OTULIN: variants seen among roughly 807,000 people sequenced by gnomAD.
The protein encoded by OTULIN is OTU deubiquitinase with linear linkage specificity, also known as ubiquitin thioesterase otulin.
Under a neutral mutation model 39.6 loss-of-function variants are expected in OTULIN, and 15 were observed. The ratio of observed to expected loss-of-function variants is 0.38; its 90% CI spans 0.25 to 0.58. OTULIN has a LOEUF of 0.58. Among genes scored for constraint, OTULIN ranks in the 20% least tolerant of loss-of-function variants. OTULIN has a pLI of 0.66. For synonymous variants in OTULIN, 156 were observed against 170.3 expected, an observed-to-expected ratio of 0.92 and a Z score of 0.65; for missense variants, 319 against 445.9, an observed-to-expected ratio of 0.72 and a Z score of 2.56.
chr5:14,678,770 A>C lies in OTULIN; in HGVS notation c.319A>C (p.Lys107Gln), dbSNP rs1384770036. 1.2e-6 allele frequency: 2 copies of C among 1,601,846 alleles called. No individual in the cohort carries two copies. Among genetic ancestry groups the C allele is most frequent in the Non-Finnish European group, 1.7e-6 (2 of 1,172,866 alleles). ...AAATACACAGAAAGCAACGTGTATGAAAATGGTATGACACAGAGGTGCACA... is the reference window on the plus strand; with the variant it reads ...AAATACACAGAAAGCAACGTGTATGCAAATGGTATGACACAGAGGTGCACA... ...RGNTQKATCM[K>Q]MGYEEVSQKF... Residue 107 changes from lysine to glutamine, a missense_variant, in exon 3 of 7, where the codon AAA becomes CAA. Lys to Gln is a moderately conservative substitution (Grantham distance 53). Coordinates refer to ENST00000284274, the MANE Select transcript of OTULIN (RefSeq NM_138348.6).
chr5:14,707,973 A>C, the OTULIN span: 1 of 152,208 alleles, frequency 6.6e-6, no homozygotes, highest in African/African-American at 2.4e-5. Context: ...AAAGAATCCC[A>C]AACGGGAGAG....
At chr5:14,692,810 TCAG>T in intron 6 of OTULIN, 41 bp from the exon 7 acceptor site, 1 of 1,581,224 alleles carries the variant, frequency 6.3e-7, no homozygotes, top group South Asian at 1.1e-5. Flanking sequence ...GCCACGTTTT[TCAG>T]TGTGATCTTC....
chr5:14,666,302 CAG>C (rs1214284715), intron 1 of OTULIN, among the ~76,000 whole-genome samples: 3 of 152,206 alleles, frequency 2.0e-5, no homozygotes, highest in Admixed American at 2.0e-4. Context: ...CCTGTGAAAA[CAG>C]ACAATGATAG....
rs1736494381 is a variant in OTULIN, at chr5:14,690,369, G to A, written c.864+61G>A. On this transcript the variant is annotated intron_variant, in intron 6 of 6. Transcript: ENST00000284274. This position sits in a 1 kb window ranked among gnomAD's most constrained non-coding sequence, Gnocchi z 4.5. ...TAAAGCAGCTTTACTGATCAAACTT[G>A]ATGTCACAGTTTTTGTAGGTCAGAA... 1 of 1,563,246 alleles carries A rather than the reference G, an allele frequency of 6.4e-7. No homozygotes were observed. Among genetic ancestry groups the A allele is most frequent in the Non-Finnish European group, 8.7e-7 (1 of 1,155,990 alleles).
chr5:14,695,336 T>A lies in OTULIN; in HGVS notation c.*2288T>A, dbSNP rs1160580095. On this transcript the variant is annotated 3_prime_UTR_variant, in exon 7 of 7. Coordinates refer to ENST00000284274, the MANE Select transcript of OTULIN (RefSeq NM_138348.6). ...TTAGTTCCGTTTCTCATTCTTGGTC[T>A]TGAGCTGGTCAGGTGACATCAGCAG... is the stretch of plus-strand genomic sequence containing the variant. 6.6e-6 allele frequency: 1 copy of A among 152,254 alleles called. No homozygotes were observed. The allele number at this position is 152,254 out of a possible 1,614,324, so 9.4% of individuals were successfully genotyped here. A position where few individuals can be genotyped will look rare whatever the true frequency, so the allele number is the denominator to read the frequency against.
chr5:14,712,904 G>A, the OTULIN span: 3 of 1,612,724 alleles, frequency 1.9e-6, no homozygotes, highest in African/African-American at 1.3e-5. Context: ...ACGCAGCGAT[G>A]GCGACCATGG....
At chr5:14,672,074 C>T (rs1735992772) in intron 1 of OTULIN, among the ~76,000 whole-genome samples, 1 of 152,142 alleles carries the variant, frequency 6.6e-6, no homozygotes, top group African/African-American at 2.4e-5. Context: ...TCATTGCACT[C>T]TGCATGCAGA....
Position 14,690,667 on chromosome 5 carries a change from A to G in OTULIN, c.864+359A>G, listed in dbSNP as rs1561002092. ...CAGAGTGAACTAAGCAGTGAGCAAG[A>G]AAGAAGCCAAAATGCCTTTTATGAC... On this transcript the variant is annotated intron_variant, in intron 6 of 6. Transcript: ENST00000284274. The surrounding 1 kb of genome is among the most constrained non-coding windows in gnomAD (Gnocchi z 4.5). 1.3e-5 allele frequency among the ~76,000 whole-genome samples: 2 copies of G among 152,184 alleles called. No individual in the cohort carries two copies. Among genetic ancestry groups the G allele is most frequent in the African/African-American group, 4.8e-5 (2 of 41,440 alleles).
At position 14,678,666 on chromosome 5, in the gene OTULIN, TA is replaced by T. The variant is rs760106568; in HGVS notation, c.230-12del. The T allele has an allele frequency of 9.9e-6, 15 of 1,507,802 alleles. No individual in the cohort carries two copies. The highest frequency in any genetic ancestry group is 6.3e-5 in the South Asian group (5 of 78,932). 93.4% of individuals were successfully genotyped at this position (1,507,802 alleles called of 1,614,324 possible). The stretch of plus-strand genomic sequence containing the variant: ...ATTTATTATTTGCTTTTTTTTTTTT[TA>T]AATTCTTTAACAGAACCGAGATTAA... On this transcript the variant is annotated splice_polypyrimidine_tract_variant and intron_variant, in intron 2 of 6. Coordinates refer to ENST00000284274, the MANE Select transcript of OTULIN (RefSeq NM_138348.6).
chr5:14,673,483 T>C (rs756625992), intron 1 of OTULIN, among the ~76,000 whole-genome samples, 159 bp from the exon 2 acceptor site: 4 of 152,254 alleles, frequency 2.6e-5, no homozygotes, highest in Non-Finnish European at 4.4e-5. Context: ...AGCATCTTTA[T>C]TCTTAAGATA....
downstream of OTULIN, among the ~76,000 whole-genome samples, chr5:14,702,464 CG>C (rs1186723432): frequency 6.6e-6 from 1 of 152,208 alleles, no homozygotes; most frequent in African/African-American, 2.4e-5. Flanking sequence ...GGATTCCCAG[CG>C]AAGGTGGAAT....
chr5:14,708,239 T>TGCTTTAGGCA, the OTULIN span: 2 of 152,212 alleles, frequency 1.3e-5, no homozygotes, highest in Non-Finnish European at 2.9e-5. Flanking sequence ...CTATTTCCTA[T>TGCTTTAGGCA]GCTTTGAGCT....
chr5:14,707,977 G>C, the OTULIN span: 1 of 152,156 alleles, frequency 6.6e-6, no homozygotes, highest in Non-Finnish European at 1.5e-5. Context: ...AATCCCAAAC[G>C]GGAGAGTTTC....
chr5:14,708,158 T>G, the OTULIN span: 3 of 152,382 alleles, frequency 2.0e-5, no homozygotes, highest in East Asian at 3.9e-4. Context: ...AAATGGCAAC[T>G]GCACATTTAG....
chr5:14,696,267 T>TA lies in OTULIN; in HGVS notation c.*3220dup, dbSNP rs369749088. 26 of 152,356 alleles carry TA rather than the reference T, an allele frequency of 1.7e-4. No homozygotes were observed. The highest frequency in any genetic ancestry group is 6.3e-4 in the African/African-American group (26 of 41,572). The allele number at this position is 152,356 out of a possible 1,614,324, so 9.4% of individuals were successfully genotyped here. A position where few individuals can be genotyped will look rare whatever the true frequency, so the allele number is the denominator to read the frequency against. ...GCCATCTCAGCATCTACATAGGACT[T>TA]ACATAGACTTCCTGAATGTGTCTTC... On this transcript the variant is annotated 3_prime_UTR_variant, in exon 7 of 7. Coordinates refer to ENST00000284274, the MANE Select transcript of OTULIN (RefSeq NM_138348.6).
At chr5:14,682,471 T>TA in intron 4 of OTULIN, among the ~76,000 whole-genome samples, 2 of 152,194 alleles carry the variant, frequency 1.3e-5, no homozygotes, top group Non-Finnish European at 2.9e-5. Context: ...AGCATTTTTT[T>TA]ACCAACAAAA....
chr5:14,711,220 C>T, the OTULIN span: 8 of 1,614,154 alleles, frequency 5.0e-6, no homozygotes, highest in Admixed American at 1.2e-4. Context: ...TCTCTCATTT[C>T]CACGATGTCT....
At chr5:14,676,446 A>T (rs1736107284) in intron 2 of OTULIN, among the ~76,000 whole-genome samples, 1 of 152,196 alleles carries the variant, frequency 6.6e-6, no homozygotes, top group Admixed American at 6.5e-5. Context: ...ACCACAGCAG[A>T]ATGGGAATTC....
the OTULIN span, chr5:14,712,952 G>T: frequency 9.9e-6 from 16 of 1,613,088 alleles, no homozygotes; most frequent in Non-Finnish European, 1.4e-5. Context: ...GGGAGCCCAC[G>T]CCCAGGGTCG....
Sources: allele counts gnomAD v4.1 joint callset (sites outside exome capture counted in the v4.1 genomes callset), GRCh38; gene constraint gnomAD v4.1.1; non-coding constraint Gnocchi (gnomAD v3.1); transcripts MANE v1.5; gene names NCBI Gene and HGNC (gene_info 2026-07-23, HGNC 2026-07-21).